KLHL29: variants seen among roughly 807,000 people sequenced by gnomAD.
KLHL29 encodes the protein kelch-like protein 29.
Under a neutral mutation model 80.4 loss-of-function variants are expected in KLHL29, and 21 were observed. The observed-to-expected ratio is 0.26, with a 90% CI of 0.19 to 0.38. The LOEUF is 0.38. Ranked by LOEUF, KLHL29 falls within the 10% of genes least tolerant of loss-of-function variation. The pLI, the probability that KLHL29 is intolerant of heterozygous loss-of-function variation, is 1.00. For missense variants in KLHL29, 867 were observed against 1,223.9 expected (o/e 0.71, Z 4.35); for synonymous variants, 511 against 526.8 (o/e 0.97, Z 0.41).
chr2:23,478,235 C>A (rs1362308773), intron 2 of KLHL29, among the ~76,000 whole-genome samples: 1 of 152,192 alleles, frequency 6.6e-6, no homozygotes, highest in African/African-American at 2.4e-5. Flanking sequence ...CAAATCACTA[C>A]GTGCAGCTGG....
At chr2:23,641,372 G>A (rs547712869) in intron 4 of KLHL29, among the ~76,000 whole-genome samples, 6 of 152,284 alleles carry the variant, frequency 3.9e-5, no homozygotes, top group East Asian at 3.9e-4. Flanking sequence ...AGCAAGGCCC[G>A]GCCAGCCTTT....
intron 6 of KLHL29, chr2:23,689,926 G>A (rs899537530): frequency 6.6e-6 from 1 of 152,344 alleles, no homozygotes; most frequent in Non-Finnish European, 1.5e-5. Context: ...GTCACTCTGT[G>A]TTGGGGGGTT....
At chr2:23,678,698 G>T (rs1670989100) in intron 5 of KLHL29, among the ~76,000 whole-genome samples, 2 of 152,252 alleles carry the variant, frequency 1.3e-5, no homozygotes, top group Admixed American at 1.3e-4. Context: ...AACAGTATGT[G>T]GTATCTACAT....
At chr2:23,400,320 C>G (rs10173248) in intron 1 of KLHL29, among the ~76,000 whole-genome samples, 1 of 152,030 alleles carries the variant, frequency 6.6e-6, no homozygotes, top group Non-Finnish European at 1.5e-5. Context: ...TGGATTGAAG[C>G]CTTGAGGCTG....
intron 3 of KLHL29, among the ~76,000 whole-genome samples, chr2:23,631,938 C>T (rs552558905): frequency 8.5e-5 from 13 of 152,240 alleles, no homozygotes; most frequent in Admixed American, 5.9e-4. Context: ...AGAATTTGAA[C>T]GCAAAGACTT....
At chr2:23,473,541 T>C (rs1158908994) in intron 1 of KLHL29, among the ~76,000 whole-genome samples, 1 of 151,708 alleles carries the variant, frequency 6.6e-6, no homozygotes, top group Admixed American at 6.6e-5. Flanking sequence ...ACCACAGAGA[T>C]GGAAGGGCAA....
intron 6 of KLHL29, chr2:23,690,326 C>G (rs777387405): frequency 6.6e-6 from 1 of 152,204 alleles, no homozygotes; most frequent in Admixed American, 6.5e-5. Flanking sequence ...GCTGAGGGCC[C>G]GGGAGACCAA....
chr2:23,437,674 T>G (rs183150479), intron 1 of KLHL29, among the ~76,000 whole-genome samples: 1 of 152,340 alleles, frequency 6.6e-6, no homozygotes, highest in African/African-American at 2.4e-5. Context: ...TCTATATCTC[T>G]GTTTTGGTAC....
At chr2:23,528,938 C>A (rs1407846410) in intron 2 of KLHL29, among the ~76,000 whole-genome samples, 1 of 152,174 alleles carries the variant, frequency 6.6e-6, no homozygotes, top group Non-Finnish European at 1.5e-5. Context: ...TAGGGGTGCC[C>A]CTTGGGCCTT....
chr2:23,385,932 G>A (rs1057493457), intron 1 of KLHL29, among the ~76,000 whole-genome samples, 152 bp downstream of exon 1: 2 of 151,036 alleles, frequency 1.3e-5, no homozygotes, highest in African/African-American at 4.8e-5. Flanking sequence ...GGCGGCGACA[G>A]GAGCCTCCCG....
chr2:23,390,233 C>T (rs1210216442), intron 1 of KLHL29, among the ~76,000 whole-genome samples: 1 of 152,150 alleles, frequency 6.6e-6, no homozygotes, highest in Non-Finnish European at 1.5e-5. Flanking sequence ...GCATTTCCAC[C>T]TTTAGGGTAG....
At position 23,703,297 on chromosome 2, in the gene KLHL29, C is replaced by A; in HGVS notation, c.2217C>A (p.Asn739Lys). ...AGATCTACGTGTTTGGTGGGGTGAA[C>A]GAGGCAGGCCGAGCTGCCGGCGTCC... is the stretch of plus-strand genomic sequence containing the variant. ...GGKIYVFGGVNEAGRAAGVLQ... is the reference protein window; with the variant it reads ...GGKIYVFGGVKEAGRAAGVLQ... The change falls in exon 12 of 14, where the codon AAC (asparagine) becomes AAA (lysine). Residue 739 changes from asparagine to lysine, a missense_variant. Asn to Lys is a moderately conservative substitution (Grantham distance 94). Coordinates refer to ENST00000486442, the MANE Select transcript of KLHL29 (RefSeq NM_052920.2). 6.5e-7 allele frequency: 1 copy of A among 1,548,464 alleles called. No individual in the cohort carries two copies. The highest frequency in any genetic ancestry group is 8.7e-7 in the Non-Finnish European group (1 of 1,145,598).
At chr2:23,437,515 T>A (rs1293072081) in intron 1 of KLHL29, among the ~76,000 whole-genome samples, 1 of 152,198 alleles carries the variant, frequency 6.6e-6, no homozygotes, top group East Asian at 1.9e-4. Context: ...ATTATTACCA[T>A]AAAGAAGGGT....
At position 23,669,819 on chromosome 2, in the gene KLHL29, C is replaced by T. The variant is rs1317850891; in HGVS notation, c.941-14580C>T. 1.3e-5 allele frequency among the ~76,000 whole-genome samples: 2 copies of T among 152,222 alleles called. No individual in the cohort carries two copies. The highest frequency in any genetic ancestry group is 2.9e-5 in the Non-Finnish European group (2 of 68,038). ...TGGCCCCGCCAGCGCAGGACAGCAACTCTTGGGTAACTGTGTCCATTGGAT... is the reference window on the plus strand; with the variant it reads ...TGGCCCCGCCAGCGCAGGACAGCAATTCTTGGGTAACTGTGTCCATTGGAT... On this transcript the variant is annotated intron_variant, in intron 5 of 13. Coordinates refer to ENST00000486442, the MANE Select transcript of KLHL29 (RefSeq NM_052920.2). This position sits in a 1 kb window ranked among gnomAD's most constrained non-coding sequence, Gnocchi z 4.3.
intron 3 of KLHL29, among the ~76,000 whole-genome samples, chr2:23,597,401 ATATATATTTTTTTTTTT>A (rs1668449569): frequency 1.8e-5 from 1 of 55,300 alleles, no homozygotes; most frequent in Non-Finnish European, 3.4e-5. Flanking sequence ...ATATATATAT[ATATATATTTTTTTTTTT>A]TTTTTTTTTT....
chr2:23,523,618 A>G (rs1666179946), intron 2 of KLHL29, among the ~76,000 whole-genome samples: 1 of 152,108 alleles, frequency 6.6e-6, no homozygotes, highest in South Asian at 2.1e-4. Flanking sequence ...ATTTGGGTGG[A>G]CATGGCTTTT....
At chr2:23,698,616 T>G (rs1363579858) in intron 11 of KLHL29, among the ~76,000 whole-genome samples, 1 of 152,136 alleles carries the variant, frequency 6.6e-6, no homozygotes, top group Non-Finnish European at 1.5e-5. Context: ...ATTATATAAT[T>G]ATAGATTAAG....
chr2:23,549,340 G>T (rs1200184214), intron 2 of KLHL29, among the ~76,000 whole-genome samples: 1 of 152,204 alleles, frequency 6.6e-6, no homozygotes, highest in Admixed American at 6.5e-5. Flanking sequence ...CACACAAGCT[G>T]TTCAAACAGC....
chr2:23,580,608 G>A (rs1201247988), intron 3 of KLHL29, among the ~76,000 whole-genome samples: 4 of 57,340 alleles, frequency 7.0e-5, no homozygotes, highest in East Asian at 8.1e-4. Context: ...CCAGGAGGAG[G>A]AGGTTGCAGT....
Sources: gnomAD v4.1 joint callset for allele counts (sites outside exome capture counted in the v4.1 genomes callset) on GRCh38, gnomAD v4.1.1 for gene constraint, Gnocchi (gnomAD v3.1) non-coding constraint, MANE v1.5 for transcripts, NCBI Gene and HGNC (gene_info 2026-07-23, HGNC 2026-07-21) for gene names.